BRWD3: variants seen among roughly 807,000 people sequenced by gnomAD.
BRWD3 encodes the protein bromodomain and WD repeat domain containing 3.
In BRWD3, 10 loss-of-function variants were observed where a neutral mutation model predicts 149.7. The observed-to-expected ratio is 0.07, with a 90% CI of 0.04 to 0.11. The LOEUF (loss-of-function observed/expected upper bound fraction) is 0.11. Ranked by LOEUF, BRWD3 falls within the 10% of genes least tolerant of loss-of-function variation. The probability of loss-of-function intolerance (pLI) is 1.00; values close to 1 mark genes in which losing one functional copy is unlikely to be tolerated. For synonymous variants in BRWD3, 504 were observed against 456.7 expected (o/e 1.10, Z -1.32); for missense variants, 940 against 1,373.2 (o/e 0.68, Z 4.99).
chrX:80,711,502 C>T (rs1360013109), intron 20 of BRWD3, among the ~76,000 whole-genome samples: 1 of 112,197 alleles, frequency 8.9e-6, no homozygotes, highest in East Asian at 2.8e-4. Context: ...GTCTTAAAAT[C>T]AACATTCTGT....
At chrX:80,682,256 A>G (rs942227576) in intron 38 of BRWD3, among the ~76,000 whole-genome samples, 162 bp from the exon 39 acceptor site, 1 of 111,613 alleles carries the variant, frequency 9.0e-6, no homozygotes, top group African/African-American at 3.3e-5. Flanking sequence ...TGAAACTTCA[A>G]TCATTAAAAT....
chrX:80,701,545 CAAAAAAAAAAAAAAAAA>C (rs140140883), intron 24 of BRWD3, among the ~76,000 whole-genome samples: 1 of 24,167 alleles, frequency 4.1e-5, no homozygotes, highest in Admixed American at 8.9e-4. Context: ...CGAGACTCGT[CAAAAAAAAAAAAAAAAA>C]AAAAAAAAAA....
intron 34 of BRWD3, among the ~76,000 whole-genome samples, chrX:80,687,623 T>A (rs949617011): frequency 9.0e-6 from 1 of 111,072 alleles, no homozygotes; most frequent in African/African-American, 3.3e-5. Flanking sequence ...CCTAAATTAT[T>A]AAGACAGTTT....
chrX:80,673,734 T>C lies in BRWD3; in HGVS notation c.*2875A>G, dbSNP rs926354680. The stretch of plus-strand genomic sequence containing the variant: ...AATATTACAGCTCACTGACTATTCA[T>C]ATCTAGCATAGGATTAGGTTTATAC... On this transcript the variant is annotated 3_prime_UTR_variant, in exon 41 of 41. Coordinates refer to ENST00000373275, the MANE Select transcript of BRWD3 (RefSeq NM_153252.5). The C allele has an allele frequency of 1.8e-5, 2 of 111,949 alleles. No individual in the cohort carries two copies. Among genetic ancestry groups the C allele is most frequent in the East Asian group, 5.6e-4 (2 of 3,585 alleles). The allele number at this position is 111,949 out of a possible 1,213,427, so 9.2% of individuals were successfully genotyped here.
intron 12 of BRWD3, among the ~76,000 whole-genome samples, chrX:80,730,425 GAA>G (rs745498846): frequency 9.2e-6 from 1 of 108,607 alleles, no homozygotes; most frequent in Non-Finnish European, 1.9e-5. Flanking sequence ...AAGAAAGAAA[GAA>G]AGAAAGAAAG....
chrX:80,715,608 T>C (rs2073064772), intron 20 of BRWD3, among the ~76,000 whole-genome samples: 1 of 112,268 alleles, frequency 8.9e-6, no homozygotes, highest in African/African-American at 3.2e-5. Context: ...AGGGTAGGGA[T>C]CAGCAAACTT....
intron 13 of BRWD3, 143 bp from the exon 14 acceptor site, chrX:80,729,048 G>T: frequency 2.0e-6 from 1 of 503,592 alleles, no homozygotes; most frequent in Non-Finnish European, 3.3e-6. Context: ...AAGTATTCAT[G>T]AAAGAAAAAA....
At position 80,684,147 on chromosome X, in the gene BRWD3, T is replaced by C. The variant is rs1335312098; in HGVS notation, c.4096A>G (p.Ile1366Val). ...SSLSEDYQDV[I>V]DTPVDFSTVK... The stretch of plus-strand genomic sequence containing the variant: ...GTGCTGAAGTCCACAGGAGTATCTA[T>C]AACATCTTGATAATCCTACAAAGAA... The change falls in exon 37 of 41, where the codon ATA becomes GTA. Residue 1366 changes from isoleucine (I) to valine (V), a missense_variant. Around this residue, in one of 6 missense-constraint regions of BRWD3, gnomAD observed 349 missense variants for 419.6 expected, o/e 0.83. Transcript: ENST00000373275. 1 of 1,200,751 alleles carries C rather than the reference T, an allele frequency of 8.3e-7. No individual in the cohort carries two copies. The highest frequency in any genetic ancestry group is 1.1e-6 in the Non-Finnish European group (1 of 887,250).
chrX:80,741,572 T>C (rs958415152), intron 8 of BRWD3, among the ~76,000 whole-genome samples: 13 of 111,745 alleles, frequency 1.2e-4, no homozygotes, highest in African/African-American at 1.6e-4. Flanking sequence ...CCAGCACCTG[T>C]TGTTTCCTGA....
chrX:80,722,868 A>AT (rs1302362628), intron 16 of BRWD3, 81 bp from the exon 17 acceptor site: 22 of 868,846 alleles, frequency 2.5e-5, no homozygotes, highest in Non-Finnish European at 3.4e-5. Context: ...GAGCACACTC[A>AT]TTTTTTAAAT....
At chrX:80,688,586 T>C (rs1029377784) in intron 33 of BRWD3, among the ~76,000 whole-genome samples, 2 of 111,267 alleles carry the variant, frequency 1.8e-5, no homozygotes, top group Non-Finnish European at 1.9e-5. Context: ...TAAGGGATAA[T>C]TTTTTAATAT....
At chrX:80,803,334 C>T (rs1389070282) in intron 4 of BRWD3, among the ~76,000 whole-genome samples, 1 of 111,478 alleles carries the variant, frequency 9.0e-6, no homozygotes, top group South Asian at 3.7e-4. Flanking sequence ...AAGGCAAGTT[C>T]ACTGAATCCA....
At chrX:80,727,155 TCCA>T (rs774185965) in intron 14 of BRWD3, among the ~76,000 whole-genome samples, 2 of 110,582 alleles carry the variant, frequency 1.8e-5, no homozygotes, top group East Asian at 5.7e-4. Flanking sequence ...CACTTTTATT[TCCA>T]CCACCACCAC....
Position 80,698,977 on chromosome X carries a change from C to A in BRWD3, c.2943+980G>T, listed in dbSNP as rs757431438. On this transcript the variant is annotated intron_variant, in intron 25 of 40. Coordinates refer to ENST00000373275, the MANE Select transcript of BRWD3 (RefSeq NM_153252.5). ...GCCTGTATCCCAGCACTTTGGGAGGCCGAGGTGGGTGGATCACCCTGAGGT... is the reference window on the plus strand; with the variant it reads ...GCCTGTATCCCAGCACTTTGGGAGGACGAGGTGGGTGGATCACCCTGAGGT... Among the ~76,000 whole-genome samples, 3 of 110,607 alleles carry A rather than the reference C, an allele frequency of 2.7e-5. No individual in the cohort carries two copies. In the East Asian group the frequency reaches 8.6e-4, roughly 32 times the overall value.
intron 10 of BRWD3, 86 bp from the exon 11 acceptor site, chrX:80,734,304 C>A (rs1001648260): frequency 2.8e-5 from 17 of 612,750 alleles, no homozygotes; most frequent in Non-Finnish European, 4.7e-5. Flanking sequence ...TGCTACCTTG[C>A]ATTAGTAAAA....
Position 80,809,531 on chromosome X carries a change from G to A in BRWD3, c.-60C>T. ...GAGGGGCTGGCGGGGGCGGGTGGGG[G>A]CGCTGCCTCTATTGTGGTGAAGCCC... On this transcript the variant is annotated 5_prime_UTR_variant, in exon 1 of 41. Transcript: ENST00000373275. 1.5e-6 allele frequency: 1 copy of A among 646,852 alleles called. No individual in the cohort carries two copies. 53.3% of individuals were successfully genotyped at this position (646,852 alleles called of 1,213,427 possible).
chrX:80,718,118 T>C (rs892657052), intron 18 of BRWD3, among the ~76,000 whole-genome samples: 1 of 111,901 alleles, frequency 8.9e-6, no homozygotes, highest in African/African-American at 3.2e-5. Flanking sequence ...CTAAATTCTA[T>C]CTTTGTTCTC....
chrX:80,795,128 A>G (rs998030912), intron 4 of BRWD3, among the ~76,000 whole-genome samples: 12 of 111,665 alleles, frequency 1.1e-4, no homozygotes, highest in Admixed American at 1.1e-3. Context: ...TAAGAATGAA[A>G]CTATAAAACA....
At chrX:80,796,319 C>T (rs2074239420) in intron 4 of BRWD3, among the ~76,000 whole-genome samples, 1 of 110,097 alleles carries the variant, frequency 9.1e-6, no homozygotes, top group Non-Finnish European at 1.9e-5. Context: ...TTAGTAGAGA[C>T]GGGGTTTCAC....
Sources: allele counts gnomAD v4.1 joint callset (sites outside exome capture counted in the v4.1 genomes callset), GRCh38; gene constraint gnomAD v4.1.1; regional missense constraint gnomAD v4.1.1; transcripts MANE v1.5; gene names NCBI Gene and HGNC (gene_info 2026-07-23, HGNC 2026-07-21).